The following TOP1 variants were observed in gnomAD, a reference collection of about 807,000 sequenced individuals.
The protein encoded by TOP1 is DNA topoisomerase I.
TOP1 carries 10 observed loss-of-function variants against 111.1 expected under a neutral mutation model. That is an observed-to-expected ratio of 0.09 (90% CI 0.06 to 0.15). The LOEUF is 0.15. Ranked by LOEUF, TOP1 falls within the 10% of genes least tolerant of loss-of-function variation. TOP1 has a pLI of 1.00. For missense variants in TOP1, 474 were observed against 926.7 expected (o/e 0.51, Z 6.34); for synonymous variants, 271 against 302.9 (o/e 0.89, Z 1.10).
intron 2 of TOP1, among the ~76,000 whole-genome samples, chr20:41,035,043 C>A (rs2033167255): frequency 6.6e-6 from 1 of 152,002 alleles, no homozygotes; most frequent in African/African-American, 2.4e-5. Flanking sequence ...GTGCATGTCA[C>A]CACGCCGGGC....
Position 41,067,150 on chromosome 20 carries a change from C to T in TOP1, c.155+5660C>T, listed in dbSNP as rs1193103701. 6.6e-6 allele frequency among the ~76,000 whole-genome samples: 1 copy of T among 151,966 alleles called. No homozygotes were observed. Among genetic ancestry groups the T allele is most frequent in the Non-Finnish European group, 1.5e-5 (1 of 67,974 alleles). On this transcript the variant is annotated intron_variant, in intron 3 of 20. Coordinates refer to ENST00000361337, the MANE Select transcript of TOP1 (RefSeq NM_003286.4). This position sits in a 1 kb window ranked among gnomAD's most constrained non-coding sequence, Gnocchi z 4.0. ...TATTATTTTTTTTGAGATGGAGTCT[C>T]ACTTTGTCACCCAGGCTGGAGTGCA...
chr20:41,057,207 A>G (rs1438373996), intron 2 of TOP1, among the ~76,000 whole-genome samples: 1 of 151,228 alleles, frequency 6.6e-6, no homozygotes, highest in Non-Finnish European at 1.5e-5. Context: ...CTGAGGTTGC[A>G]GTGAGCCGAG....
At position 41,028,875 on chromosome 20, in the gene TOP1, C is replaced by G. The variant is rs948754012; in HGVS notation, c.-193C>G. ...TGCTGGGGTCTGTTCTCGCCGCCCGCCCGGCAGTCAGGCAGCGTCGCCGCC... is the reference window on the plus strand; with the variant it reads ...TGCTGGGGTCTGTTCTCGCCGCCCGGCCGGCAGTCAGGCAGCGTCGCCGCC... On this transcript the variant is annotated 5_prime_UTR_variant, in exon 1 of 21. Transcript: ENST00000361337. The G allele has an allele frequency of 5.3e-6, 3 of 561,444 alleles. No individual in the cohort carries two copies. The highest frequency in any genetic ancestry group is 9.4e-6 in the Non-Finnish European group (3 of 319,308). 34.8% of individuals were successfully genotyped at this position (561,444 alleles called of 1,614,324 possible). A position where few individuals can be genotyped will look rare whatever the true frequency, so the allele number is the denominator to read the frequency against.
At chr20:41,113,908 G>A (rs954695101) in intron 14 of TOP1, 62 bp from the exon 15 acceptor site, 67 of 1,022,304 alleles carry the variant, frequency 6.6e-5, no homozygotes, top group Middle Eastern at 2.8e-4. Flanking sequence ...AACACAGAAC[G>A]AAATTGTGTA....
rs1301119338 is a variant in TOP1, at chr20:41,058,193, A to G, written c.59-3201A>G. ...ACACAGAATAGATGCTCAGCAGATT[A>G]TGACACATGTGGCTTCTTTTGCTGT... On this transcript the variant is annotated intron_variant, in intron 2 of 20. Coordinates refer to ENST00000361337, the MANE Select transcript of TOP1 (RefSeq NM_003286.4). The surrounding 1 kb of genome is among the most constrained non-coding windows in gnomAD (Gnocchi z 4.2). Among the ~76,000 whole-genome samples, 1 of 152,256 alleles carries G rather than the reference A, an allele frequency of 6.6e-6. No homozygotes were observed. Among genetic ancestry groups the G allele is most frequent in the Non-Finnish European group, 1.5e-5 (1 of 68,044 alleles).
rs1458963482 is a variant in TOP1, at chr20:41,109,321, C to CT, written c.1309-3460dup. 6.6e-6 allele frequency among the ~76,000 whole-genome samples: 1 copy of CT among 152,060 alleles called. No homozygotes were observed. The highest frequency in any genetic ancestry group is 1.5e-5 in the Non-Finnish European group (1 of 67,990). On this transcript the variant is annotated intron_variant, in intron 13 of 20. Coordinates refer to ENST00000361337, the MANE Select transcript of TOP1 (RefSeq NM_003286.4). This position sits in a 1 kb window ranked among gnomAD's most constrained non-coding sequence, Gnocchi z 4.1. ...GTATAAAATTCAAAACGTTTTAAAT[C>CT]TATTTATTAGTAAGACTAACATAGA...
At chr20:41,050,640 C>T (rs895859297) in intron 2 of TOP1, among the ~76,000 whole-genome samples, 13 of 152,198 alleles carry the variant, frequency 8.5e-5, no homozygotes, top group Non-Finnish European at 1.5e-4. Flanking sequence ...ATGCCCTTCC[C>T]TCTCCCCTAA....
In TOP1 at chr20:41,061,432, C is replaced by T. The variant is rs1364036505; in HGVS notation, c.97C>T (p.His33Tyr). Residue 33 changes from histidine (H) to tyrosine (Y), a missense_variant, in exon 3 of 21, where the codon CAC becomes TAC. Around this residue, in one of 14 missense-constraint regions of TOP1, gnomAD observed 185 missense variants for 226.3 expected, o/e 0.82. Transcript: ENST00000361337. This position sits in a 1 kb window ranked among gnomAD's most constrained non-coding sequence, Gnocchi z 4.6. ...KHKDKHKDRE[H>Y]RHKEHKKEKD... ...CAAAGATAAACACAAAGATCGAGAACACCGGCACAAAGAACACAAGAAGGA... is the reference window on the plus strand; with the variant it reads ...CAAAGATAAACACAAAGATCGAGAATACCGGCACAAAGAACACAAGAAGGA... 6.2e-7 allele frequency: 1 copy of T among 1,613,564 alleles called. No individual in the cohort carries two copies. The highest frequency in any genetic ancestry group is 1.3e-5 in the African/African-American group (1 of 74,890).
Position 41,067,696 on chromosome 20 carries a change from T to A in TOP1, c.155+6206T>A, listed in dbSNP as rs1321587748. 6.6e-6 allele frequency among the ~76,000 whole-genome samples: 1 copy of A among 152,216 alleles called. No homozygotes were observed. The highest frequency in any genetic ancestry group is 1.9e-4 in the East Asian group (1 of 5,198). ...GTTTCTGTGTCCCTTCCTTCTCTGC[T>A]AGATATTAGCACCAATCATTTGTCA... On this transcript the variant is annotated intron_variant, in intron 3 of 20. Coordinates refer to ENST00000361337, the MANE Select transcript of TOP1 (RefSeq NM_003286.4). This position sits in a 1 kb window ranked among gnomAD's most constrained non-coding sequence, Gnocchi z 4.0.
intron 8 of TOP1, among the ~76,000 whole-genome samples, chr20:41,090,398 T>C (rs1422047358): frequency 6.6e-6 from 1 of 152,232 alleles, no homozygotes; most frequent in Non-Finnish European, 1.5e-5. Context: ...ATGTTAACCC[T>C]TTATCAGATA....
chr20:41,057,408 T>C (rs2033487893), intron 2 of TOP1, among the ~76,000 whole-genome samples: 1 of 152,142 alleles, frequency 6.6e-6, no homozygotes, highest in Admixed American at 6.5e-5. Context: ...AAAAAAGTTA[T>C]TGGCAGACTG....
chr20:41,119,938 C>T (rs1037609718), intron 18 of TOP1, among the ~76,000 whole-genome samples: 6 of 152,224 alleles, frequency 3.9e-5, no homozygotes, highest in African/African-American at 7.2e-5. Flanking sequence ...TTACCTAATT[C>T]AGGAAAACCC....
chr20:41,066,896 G>A (rs573549964), intron 3 of TOP1, among the ~76,000 whole-genome samples: 1 of 152,098 alleles, frequency 6.6e-6, no homozygotes, highest in South Asian at 2.1e-4. Context: ...TATAAAAATA[G>A]AAGCCTTTTT....
chr20:41,060,944 T>C (rs2033537142), intron 2 of TOP1, among the ~76,000 whole-genome samples: 1 of 152,242 alleles, frequency 6.6e-6, no homozygotes, highest in African/African-American at 2.4e-5. Flanking sequence ...CCTGTAGATA[T>C]GGAGGGCTGA....
rs35905808 is a variant in TOP1, at chr20:41,061,479, G to A, written c.144G>A (p.Lys48=). 5,644 of 1,599,296 alleles carry A rather than the reference G, an allele frequency of 3.5e-3. 14 individuals carry two copies. The highest frequency in any genetic ancestry group is 4.3e-3 in the Non-Finnish European group (5,026 of 1,171,520). ...HKKEKDREKS[K]HSNSEHKDSE... ...AGGAGAAGGACCGGGAAAAGTCCAA[G>A]CATAGCAACAGGTAAGGGTGGAATC... Residue 48 remains lysine (K), a synonymous_variant, in exon 3 of 21, where the codon AAG becomes AAA. Transcript: ENST00000361337. This position sits in a 1 kb window ranked among gnomAD's most constrained non-coding sequence, Gnocchi z 4.6.
In TOP1 at chr20:41,061,301, C is replaced by A. The variant is rs979390635; in HGVS notation, c.59-93C>A. The A allele has an allele frequency of 1.7e-6, 2 of 1,208,396 alleles. No individual in the cohort carries two copies. Among genetic ancestry groups the A allele is most frequent in the Admixed American group, 2.0e-5 (1 of 51,280 alleles). 74.9% of individuals were successfully genotyped at this position (1,208,396 alleles called of 1,614,324 possible). A position where few individuals can be genotyped will look rare whatever the true frequency, so the allele number is the denominator to read the frequency against. On this transcript the variant is annotated intron_variant, in intron 2 of 20. Transcript: ENST00000361337. The surrounding 1 kb of genome is among the most constrained non-coding windows in gnomAD (Gnocchi z 4.6). The stretch of plus-strand genomic sequence containing the variant: ...ATTATGCCTACCATGCCATTTGAAT[C>A]CTGTCATTGTACTTCTTGACCAGCT...
chr20:41,044,196 A>G (rs1359690727), intron 2 of TOP1, among the ~76,000 whole-genome samples: 1 of 152,190 alleles, frequency 6.6e-6, no homozygotes, highest in Admixed American at 6.5e-5. Context: ...GAATCGCTTG[A>G]ACCCTGGAGG....
At chr20:41,048,917 CAG>C (rs1243870942) in intron 2 of TOP1, among the ~76,000 whole-genome samples, 1 of 152,070 alleles carries the variant, frequency 6.6e-6, no homozygotes, top group East Asian at 1.9e-4. Flanking sequence ...TAAAATAAGA[CAG>C]TGGTTGTGGA....
At position 41,114,870 on chromosome 20, in the gene TOP1, C is replaced by G. The variant is rs2034303673; in HGVS notation, c.1639-501C>G. On this transcript the variant is annotated intron_variant, in intron 15 of 20. Transcript: ENST00000361337. The surrounding 1 kb of genome is among the most constrained non-coding windows in gnomAD (Gnocchi z 4.5). ...CAGTCCTCTTCTTATAAAGACACCT[C>G]TTCTCATAAGGACACCATAATCAGT... 6.6e-6 allele frequency among the ~76,000 whole-genome samples: 1 copy of G among 152,204 alleles called. No individual in the cohort carries two copies. The highest frequency in any genetic ancestry group is 1.5e-5 in the Non-Finnish European group (1 of 68,040).
Sources: allele counts gnomAD v4.1 joint callset (sites outside exome capture counted in the v4.1 genomes callset), GRCh38; gene constraint gnomAD v4.1.1; regional missense constraint gnomAD v4.1.1; non-coding constraint Gnocchi (gnomAD v3.1); transcripts MANE v1.5; gene names NCBI Gene and HGNC (gene_info 2026-07-23, HGNC 2026-07-21).